FARP1: variants seen among roughly 807,000 people sequenced by gnomAD.
The protein encoded by FARP1 is FERM, ARHGEF and pleckstrin domain-containing protein 1.
A neutral mutation model predicts 128.8 loss-of-function variants in FARP1; 52 were observed. The ratio of observed to expected loss-of-function variants is 0.40; its 90% confidence interval spans 0.32 to 0.51. The LOEUF (loss-of-function observed/expected upper bound fraction) is 0.51, where lower values mean the gene tolerates loss of function less well. Among genes scored for constraint, FARP1 ranks in the 20% least tolerant of loss-of-function variants. The probability of loss-of-function intolerance (pLI) is 0.45; values close to 1 mark genes in which losing one functional copy is unlikely to be tolerated. For missense variants in FARP1, 1,333 were observed against 1,367.9 expected (o/e 0.97, Z 0.40); for synonymous variants, 580 against 551.8 (o/e 1.05, Z -0.72).
chr13:98,156,613 G>C (rs1212815756), intron 1 of FARP1, among the ~76,000 whole-genome samples: 1 of 152,056 alleles, frequency 6.6e-6, no homozygotes, highest in African/African-American at 2.4e-5. Context: ...TTGCTTTGTT[G>C]CCCAGGCTGG....
At position 98,452,057 on chromosome 13, in the gene FARP1, T is replaced by C. The variant is rs1386696121; in HGVS notation, c.*3740T>C. Reference sequence around the variant, plus strand: ...GACTTCTCCCTGGAGTCTTCCAAAGTGTCTCATCACACACACACAGCCACG... The same window carrying C: ...GACTTCTCCCTGGAGTCTTCCAAAGCGTCTCATCACACACACACAGCCACG... On this transcript the variant is annotated 3_prime_UTR_variant, in exon 27 of 27. Transcript: ENST00000319562. 1.3e-5 allele frequency: 2 copies of C among 152,122 alleles called. No individual in the cohort carries two copies. The highest frequency in any genetic ancestry group is 4.8e-5 in the African/African-American group (2 of 41,414). The allele number at this position is 152,122 out of a possible 1,614,324, so 9.4% of individuals were successfully genotyped here.
intron 1 of FARP1, among the ~76,000 whole-genome samples, chr13:98,172,272 A>C (rs1877707029): frequency 6.6e-6 from 1 of 151,332 alleles, no homozygotes; most frequent in South Asian, 2.1e-4. Context: ...CTGTCGGCCC[A>C]GAGTGCTTGG....
At chr13:98,201,528 G>C (rs1879946625) in intron 1 of FARP1, among the ~76,000 whole-genome samples, 1 of 152,196 alleles carries the variant, frequency 6.6e-6, no homozygotes, top group South Asian at 2.1e-4. Context: ...ATTAGAAGAT[G>C]GTTTAGTTGA....
chr13:98,228,812 T>C (rs1168483084), intron 2 of FARP1, among the ~76,000 whole-genome samples: 1 of 152,196 alleles, frequency 6.6e-6, no homozygotes, highest in African/African-American at 2.4e-5. Flanking sequence ...GGCTATCCGA[T>C]GATTGAAAAC....
At chr13:98,260,105 ATAAG>A (rs904830267) in intron 2 of FARP1, among the ~76,000 whole-genome samples, 15 of 152,202 alleles carry the variant, frequency 9.9e-5, no homozygotes, top group African/African-American at 3.4e-4. Context: ...AAATTCTAGA[ATAAG>A]TAAGCCTTAC....
intron 3 of FARP1, among the ~76,000 whole-genome samples, chr13:98,357,568 A>G (rs1888690851): frequency 6.6e-6 from 1 of 150,626 alleles, no homozygotes; most frequent in African/African-American, 2.4e-5. Context: ...ATCTCACAGT[A>G]TAGTTTTCAC....
At chr13:98,228,481 A>C (rs1335196020) in intron 2 of FARP1, among the ~76,000 whole-genome samples, 1 of 152,176 alleles carries the variant, frequency 6.6e-6, no homozygotes, top group Non-Finnish European at 1.5e-5. Context: ...AAACTAGTTA[A>C]ATTAGCCCCA....
intron 15 of FARP1, 148 bp downstream of exon 15, chr13:98,410,971 C>CT: frequency 2.0e-6 from 1 of 492,856 alleles, no homozygotes. Context: ...AAATTAAATG[C>CT]TAATAGTATA....
intron 2 of FARP1, among the ~76,000 whole-genome samples, chr13:98,252,264 C>T (rs1197792886): frequency 2.6e-5 from 4 of 152,176 alleles, no homozygotes; most frequent in East Asian, 1.9e-4. Context: ...TGCATTTTGA[C>T]TGTTCAGACT....
At chr13:98,153,285 AAAATATATATAAATAT>A (rs1876151136) in intron 1 of FARP1, among the ~76,000 whole-genome samples, 1 of 36,662 alleles carries the variant, frequency 2.7e-5, no homozygotes, top group Admixed American at 5.4e-4. Context: ...ATATATATAT[AAAATATATATAAATAT>A]ATTTATATAT....
At chr13:98,328,636 T>G (rs1887337486) in intron 2 of FARP1, 1 of 152,214 alleles carries the variant, frequency 6.6e-6, no homozygotes, top group Non-Finnish European at 1.5e-5. Context: ...CCTTTTCACT[T>G]AAAAGAAGCA....
chr13:98,416,495 A>G (rs558609921), intron 16 of FARP1, among the ~76,000 whole-genome samples: 1 of 152,334 alleles, frequency 6.6e-6, no homozygotes, highest in African/African-American at 2.4e-5. Context: ...GAGTAAACAC[A>G]CCTGAGAAGG....
chr13:98,337,526 A>C (rs925534126), intron 2 of FARP1, among the ~76,000 whole-genome samples: 17 of 129,076 alleles, frequency 1.3e-4, no homozygotes, highest in African/African-American at 4.4e-4. Context: ...TGTGTATAGT[A>C]GTCTGTGTAG....
At chr13:98,248,310 CAG>C (rs1243823605) in intron 2 of FARP1, among the ~76,000 whole-genome samples, 1 of 152,114 alleles carries the variant, frequency 6.6e-6, no homozygotes, top group Non-Finnish European at 1.5e-5. Context: ...ATAGTGGACT[CAG>C]GGACACTGAG....
At chr13:98,311,698 A>G (rs1886466142) in intron 2 of FARP1, among the ~76,000 whole-genome samples, 1 of 152,164 alleles carries the variant, frequency 6.6e-6, no homozygotes, top group African/African-American at 2.4e-5. Flanking sequence ...GAAACTTTAA[A>G]TAAAGTAAGA....
chr13:98,151,556 ACT>A (rs1369571507), intron 1 of FARP1, among the ~76,000 whole-genome samples: 3 of 151,740 alleles, frequency 2.0e-5, no homozygotes, highest in African/African-American at 7.3e-5. Flanking sequence ...TGAAATATAC[ACT>A]CTCTATGACA....
chr13:98,421,894 G>T (rs1891608672), intron 16 of FARP1, among the ~76,000 whole-genome samples: 1 of 152,102 alleles, frequency 6.6e-6, no homozygotes, highest in Admixed American at 6.6e-5. Context: ...GGAGGAAGAG[G>T]ATTTGGTGTT....
At chr13:98,202,287 TG>T (rs1373474716) in intron 1 of FARP1, among the ~76,000 whole-genome samples, 1 of 152,324 alleles carries the variant, frequency 6.6e-6, no homozygotes, top group East Asian at 1.9e-4. Context: ...ACACGCCCTT[TG>T]CCCTTTGCTC....
At chr13:98,418,270 GTTTTGTT>G (rs545198740) in intron 16 of FARP1, among the ~76,000 whole-genome samples, 118 of 143,914 alleles carry the variant, frequency 8.2e-4, no homozygotes, top group African/African-American at 3.1e-3. Context: ...GTTTTGTTTT[GTTTTGTT>G]TTTTGTTTTT....
Sources: allele counts gnomAD v4.1 joint callset (sites outside exome capture counted in the v4.1 genomes callset), GRCh38; gene constraint gnomAD v4.1.1; transcripts MANE v1.5; gene names NCBI Gene and HGNC (gene_info 2026-07-23, HGNC 2026-07-21).